Variants in PPFIBP2 observed in about 807,000 individuals in gnomAD.
PPFIBP2 encodes PPFIB scaffold protein 2, also known as liprin-beta-2.
Under a neutral mutation model 118.3 loss-of-function variants are expected in PPFIBP2, and 118 were observed. The observed-to-expected ratio is 1.00, with a 90% CI of 0.86 to 1.16. The LOEUF (loss-of-function observed/expected upper bound fraction) is 1.16, where lower values mean the gene tolerates loss of function less well. Among genes scored for constraint, PPFIBP2 ranks in the 50% most tolerant of loss-of-function variants. PPFIBP2 has a pLI of 0.00. For missense variants in PPFIBP2, 1,195 were observed against 1,073.1 expected, an observed-to-expected ratio of 1.11 and a Z score of -1.59; for synonymous variants, 414 against 397.4, an observed-to-expected ratio of 1.04 and a Z score of -0.50.
intron 6 of PPFIBP2, among the ~76,000 whole-genome samples, chr11:7,618,198 G>A (rs1409459870): frequency 6.6e-6 from 1 of 152,170 alleles, no homozygotes; most frequent in South Asian, 2.1e-4. Context: ...AAAGGACAGC[G>A]GGGAAATAGG....
intron 1 of PPFIBP2, among the ~76,000 whole-genome samples, chr11:7,523,206 C>T (rs1403687685): frequency 6.6e-6 from 1 of 152,126 alleles, no homozygotes; most frequent in African/African-American, 2.4e-5. Context: ...TTCTTCAATC[C>T]TCCTCACCCC....
chr11:7,574,332 T>C (rs1413248948), intron 3 of PPFIBP2, among the ~76,000 whole-genome samples: 3 of 152,202 alleles, frequency 2.0e-5, no homozygotes, highest in East Asian at 3.9e-4. Context: ...AGGGGTCCAG[T>C]GAGTCTGAGA....
intron 3 of PPFIBP2, 43 bp downstream of exon 3, chr11:7,565,810 A>G (rs776641918): frequency 1.9e-6 from 3 of 1,599,744 alleles, no homozygotes; most frequent in Admixed American, 1.7e-5. Context: ...TGGGGAATGT[A>G]ATGGTGCAGC....
chr11:7,647,685 G>C (rs578091206), intron 17 of PPFIBP2, among the ~76,000 whole-genome samples: 1 of 152,106 alleles, frequency 6.6e-6, no homozygotes, highest in Non-Finnish European at 1.5e-5. Flanking sequence ...TTTCGTAAGT[G>C]GCCACCTCAC....
downstream of PPFIBP2, among the ~76,000 whole-genome samples, chr11:7,661,449 C>T (rs1344136547): frequency 9.2e-5 from 14 of 151,584 alleles, no homozygotes; most frequent in South Asian, 4.2e-4. Flanking sequence ...TCCATGCAGT[C>T]GGGTGGTTTT....
At chr11:7,606,484 G>T (rs748134651) in intron 5 of PPFIBP2, among the ~76,000 whole-genome samples, 2 of 152,100 alleles carry the variant, frequency 1.3e-5, no homozygotes, top group Non-Finnish European at 2.9e-5. Flanking sequence ...CAGGGGCAAG[G>T]GGAAGATGAT....
intron 8 of PPFIBP2, among the ~76,000 whole-genome samples, chr11:7,626,140 T>C (rs181697169): frequency 5.9e-5 from 9 of 152,224 alleles, no homozygotes; most frequent in Non-Finnish European, 1.3e-4. Flanking sequence ...CTAGAAGGTT[T>C]TTCTCAGATG....
In PPFIBP2 at chr11:7,549,458, AG is replaced by A. The variant is rs1564961536; in HGVS notation, c.-16del. 6.4e-7 allele frequency: 1 copy of A among 1,555,886 alleles called. No individual in the cohort carries two copies. The highest frequency in any genetic ancestry group is 8.7e-7 in the Non-Finnish European group (1 of 1,149,258). On this transcript the variant is annotated 5_prime_UTR_variant, in exon 2 of 24. Transcript: ENST00000299492. ...TTTTCAGTAAGAAGAGGAGGAGGCC[AG>A]GCAGGCAAAAGGAGTCATGGCTTCT...
intron 5 of PPFIBP2, chr11:7,606,071 T>C: frequency 6.6e-7 from 1 of 1,510,126 alleles, no homozygotes; most frequent in South Asian, 1.3e-5. Flanking sequence ...GGTTGGTTCC[T>C]TCGGTTTGGG....
At chr11:7,520,862 A>G (rs757852819) in intron 1 of PPFIBP2, among the ~76,000 whole-genome samples, 4 of 152,180 alleles carry the variant, frequency 2.6e-5, no homozygotes, top group African/African-American at 7.2e-5. Context: ...TCTTCATGGA[A>G]TCTATGTAGT....
chr11:7,590,209 G>A (rs1858985659), intron 3 of PPFIBP2, among the ~76,000 whole-genome samples: 1 of 152,148 alleles, frequency 6.6e-6, no homozygotes, highest in African/African-American at 2.4e-5. Context: ...ATTTGATCCT[G>A]GCCTATGCCC....
intron 16 of PPFIBP2, 84 bp downstream of exon 16, chr11:7,641,704 C>A: frequency 7.5e-7 from 1 of 1,328,722 alleles, no homozygotes; most frequent in Non-Finnish European, 1.1e-6. Flanking sequence ...GCCCCTGGTC[C>A]AATAGACACT....
At chr11:7,648,355 T>C in intron 17 of PPFIBP2, 32 bp from the exon 18 acceptor site, 1 of 1,585,268 alleles carries the variant, frequency 6.3e-7, no homozygotes, top group Non-Finnish European at 8.6e-7. Flanking sequence ...GCTCTCCCAC[T>C]AACAGGAATA....
chr11:7,612,318 C>G (rs1290957963), intron 6 of PPFIBP2, among the ~76,000 whole-genome samples: 1 of 152,216 alleles, frequency 6.6e-6, no homozygotes, highest in Non-Finnish European at 1.5e-5. Flanking sequence ...CTCAAAGGTT[C>G]CAGCAAAAGC....
rs568573361 is a variant in PPFIBP2 at position 7,519,860 on chromosome 11, A to G, written c.-37+5739A>G. ...TTGGATTTTCGGACCAGAGAAACCAAAAGAGGCCGAGCACGTTTTTCCCTG... is the reference window on the plus strand; with the variant it reads ...TTGGATTTTCGGACCAGAGAAACCAGAAGAGGCCGAGCACGTTTTTCCCTG... On this transcript the variant is annotated intron_variant, in intron 1 of 23. Coordinates refer to ENST00000299492, the MANE Select transcript of PPFIBP2 (RefSeq NM_003621.5). Among the ~76,000 whole-genome samples, 16 of 152,238 alleles carry G rather than the reference A, an allele frequency of 1.1e-4. No individual in the cohort carries two copies. In the East Asian group the frequency reaches 2.5e-3, roughly 24 times the overall value.
intron 3 of PPFIBP2, among the ~76,000 whole-genome samples, chr11:7,575,496 C>T (rs2134883017): frequency 6.6e-6 from 1 of 152,284 alleles, no homozygotes; most frequent in Non-Finnish European, 1.5e-5. Context: ...TGCACTCCTC[C>T]CAGGAGAGGG....
chr11:7,651,989 C>A, intron 23 of PPFIBP2, 145 bp downstream of exon 23: 1 of 777,368 alleles, frequency 1.3e-6, no homozygotes, highest in Non-Finnish European at 1.9e-6. Flanking sequence ...GGCTTGTGGT[C>A]TGTGAGGCCA....
intron 1 of PPFIBP2, among the ~76,000 whole-genome samples, chr11:7,541,273 A>G (rs750859607): frequency 6.6e-6 from 1 of 152,176 alleles, no homozygotes; most frequent in Admixed American, 6.5e-5. Context: ...GGACCACGAG[A>G]TAGGTGAATC....
At position 7,653,750 on chromosome 11, in the gene PPFIBP2, G is replaced by A; in HGVS notation, c.*532G>A. The A allele has an allele frequency of 8.3e-7, 1 of 1,211,520 alleles. No individual in the cohort carries two copies. The highest frequency in any genetic ancestry group is 1.0e-6 in the Non-Finnish European group (1 of 954,112). The allele number at this position is 1,211,520 out of a possible 1,614,324, so 75.0% of individuals were successfully genotyped here. A position where few individuals can be genotyped will look rare whatever the true frequency, so the allele number is the denominator to read the frequency against. Reference sequence around the variant, plus strand: ...TTCTTGTAATAAAAGCAATATTTATGCGGAAAGCAAGCAGCTCACCATATC... The same window carrying A: ...TTCTTGTAATAAAAGCAATATTTATACGGAAAGCAAGCAGCTCACCATATC... On this transcript the variant is annotated 3_prime_UTR_variant, in exon 24 of 24. Transcript: ENST00000299492.
Sources: allele counts gnomAD v4.1 joint callset (sites outside exome capture counted in the v4.1 genomes callset), GRCh38; gene constraint gnomAD v4.1.1; transcripts MANE v1.5; gene names NCBI Gene and HGNC (gene_info 2026-07-23, HGNC 2026-07-21).